The following CPNE3 variants were observed in gnomAD, a reference collection of about 807,000 sequenced individuals.
The protein encoded by CPNE3 is copine 3, also known as copine-3.
In CPNE3, 68 loss-of-function variants were observed where a neutral mutation model predicts 63.9. That is an observed-to-expected ratio of 1.06 (90% CI 0.87 to 1.30). The LOEUF (loss-of-function observed/expected upper bound fraction) is 1.30. Ranked by LOEUF, CPNE3 falls within the 50% of genes most tolerant of loss-of-function variation. CPNE3 has a pLI of 0.00. For synonymous variants in CPNE3, 219 were observed against 197.5 expected (o/e 1.11, Z -0.91); for missense variants, 665 against 578.1 (o/e 1.15, Z -1.54).
chr8:86,556,032 C>T, intron 15 of CPNE3, 70 bp from the exon 16 acceptor site: 1 of 800,168 alleles, frequency 1.2e-6, no homozygotes, highest in Admixed American at 1.7e-5. Flanking sequence ...GACTGGATGA[C>T]TCATCAAGCC....
intron 2 of CPNE3, among the ~76,000 whole-genome samples, chr8:86,516,984 C>T (rs1428919561): frequency 1.3e-5 from 2 of 152,184 alleles, no homozygotes; most frequent in African/African-American, 4.8e-5. Flanking sequence ...GACTCAATGT[C>T]ACTTCCATTG....
At chr8:86,547,593 T>TGG in intron 10 of CPNE3, 118 bp from the exon 11 acceptor site, 1 of 644,946 alleles carries the variant, frequency 1.6e-6, no homozygotes, top group Non-Finnish European at 2.7e-6. Flanking sequence ...AGGGGTAATT[T>TGG]CCATGTTTAT....
At position 86,546,588 on chromosome 8, in the gene CPNE3, C is replaced by T. The variant is rs1350580535; in HGVS notation, c.733-7C>T. 6.2e-7 allele frequency: 1 copy of T among 1,609,362 alleles called. No individual in the cohort carries two copies. Among genetic ancestry groups the T allele is most frequent in the African/African-American group, 1.3e-5 (1 of 74,398 alleles). On this transcript the variant is annotated splice_region_variant and splice_polypyrimidine_tract_variant and intron_variant, in intron 9 of 16. Coordinates refer to ENST00000517490, the MANE Select transcript of CPNE3 (RefSeq NM_003909.5). ...AAAAGTAACATTTTTGTCTTCTCTT[C>T]CTACAGGTTGAATTTGAATGCATAA...
intron 2 of CPNE3, among the ~76,000 whole-genome samples, chr8:86,517,188 A>G (rs1820334446): frequency 6.6e-6 from 1 of 152,230 alleles, no homozygotes; most frequent in Non-Finnish European, 1.5e-5. Context: ...AGCAGTATGC[A>G]ATCATAACTT....
intron 14 of CPNE3, 125 bp downstream of exon 14, chr8:86,551,359 T>C (rs1821174608): frequency 4.3e-6 from 3 of 700,110 alleles, no homozygotes; most frequent in Non-Finnish European, 7.2e-6. Context: ...CTAGGTTTCA[T>C]TTTCTTACAT....
At chr8:86,552,958 GCCCGCCCCCCCCCCCCCCCCGCCCACAA>G (rs1377668380) in intron 14 of CPNE3, among the ~76,000 whole-genome samples, 1 of 3,232 alleles carries the variant, frequency 3.1e-4, no homozygotes, top group Non-Finnish European at 2.1e-3. Flanking sequence ...TCCTGCCACA[GCCCGCCCCCCCCCCCCCCCCGCCCACAA>G]CCGAGTAGCT....
Position 86,528,976 on chromosome 8 carries a change from T to C in CPNE3, c.164T>C (p.Leu55Ser), listed in dbSNP as rs149163982. 62 of 1,613,692 alleles carry C rather than the reference T, an allele frequency of 3.8e-5. No individual in the cohort carries two copies. In the East Asian group the frequency reaches 1.2e-3, roughly 31 times the overall value. Residue 55 changes from leucine to serine, a missense_variant, in exon 4 of 17, where the codon TTG (leucine) becomes TCG (serine). By Grantham distance (145) the Leu-to-Ser change is moderately radical (BLOSUM62 -2). Coordinates refer to ENST00000517490, the MANE Select transcript of CPNE3 (RefSeq NM_003909.5). The stretch of plus-strand genomic sequence containing the variant: ...CGCACAGAAAGGATTAAGAATTGCT[T>C]GAATCCCCAATTTTCCAAGACATTT... ...VERTERIKNC[L>S]NPQFSKTFII... is the part of the protein sequence containing the mutation.
intron 5 of CPNE3, 103 bp from the exon 6 acceptor site, chr8:86,532,406 T>C: frequency 1.5e-6 from 1 of 677,800 alleles, no homozygotes; most frequent in Non-Finnish European, 2.4e-6. Flanking sequence ...AATTCATTTA[T>C]ATTAGTGTAG....
At chr8:86,548,260 C>T (rs1202774447) in intron 11 of CPNE3, 41 bp from the exon 12 acceptor site, 1 of 1,607,860 alleles carries the variant, frequency 6.2e-7, no homozygotes, top group African/African-American at 1.3e-5. Context: ...ACAGGTGTCC[C>T]TGCCTTCTCC....
In CPNE3 at chr8:86,537,587, T is replaced by C; in HGVS notation, c.484T>C (p.Tyr162His). Residue 162 changes from tyrosine (Y) to histidine (H), a missense_variant, in exon 7 of 17, where the codon TAC becomes CAC. Transcript: ENST00000517490. ...NKDLFGKSDP[Y>H]LEFHKQTSDG... ...GGATCTATTTGGAAAGTCAGACCCA[T>C]ACCTGGAATTCCACAAGCAGACATC... 6.2e-7 allele frequency: 1 copy of C among 1,607,728 alleles called. No homozygotes were observed. The highest frequency in any genetic ancestry group is 8.5e-7 in the Non-Finnish European group (1 of 1,174,282).
At chr8:86,546,006 G>T (rs1373167218) in intron 9 of CPNE3, among the ~76,000 whole-genome samples, 1 of 152,086 alleles carries the variant, frequency 6.6e-6, no homozygotes, top group Non-Finnish European at 1.5e-5. Context: ...ATGGATAGGG[G>T]GATAGGAAGG....
At chr8:86,523,039 T>A (rs748557886) in intron 2 of CPNE3, among the ~76,000 whole-genome samples, 144 of 152,224 alleles carry the variant, frequency 9.5e-4, no homozygotes, top group Non-Finnish European at 1.6e-3. Flanking sequence ...AAAGCTGCTT[T>A]ATGTCTTACT....
chr8:86,528,410 T>C (rs988585021), intron 2 of CPNE3, 126 bp from the exon 3 acceptor site: 1 of 956,438 alleles, frequency 1.0e-6, no homozygotes, highest in Non-Finnish European at 1.6e-6. Context: ...AGTCTGATTC[T>C]GGCAAGTTCA....
chr8:86,535,318 G>T (rs1586837111), intron 6 of CPNE3, among the ~76,000 whole-genome samples: 1 of 137,578 alleles, frequency 7.3e-6, no homozygotes, highest in African/African-American at 2.5e-5. Flanking sequence ...ATACAGAAAA[G>T]ACTTTTTTTT....
At position 86,556,239 on chromosome 8, in the gene CPNE3, G is replaced by C. The variant is rs768327721; in HGVS notation, c.1392G>C (p.Met464Ile). The change falls in exon 16 of 17, where the codon ATG becomes ATC. Residue 464 changes from methionine (M) to isoleucine (I), a missense_variant. Met to Ile is a conservative substitution (Grantham distance 10). Coordinates refer to ENST00000517490, the MANE Select transcript of CPNE3 (RefSeq NM_003909.5). Reference sequence around the variant, plus strand: ...TTGGAGGTGCTGACTTCAGCGCCATGGAGTTTCTGGATGGTGATGGTGGAA... The same window carrying C: ...TTGGAGGTGCTGACTTCAGCGCCATCGAGTTTCTGGATGGTGATGGTGGAA... Reference protein sequence around the residue: ...VGVGGADFSAMEFLDGDGGSL... With the variant: ...VGVGGADFSAIEFLDGDGGSL... The C allele has an allele frequency of 1.1e-6, 1 of 873,030 alleles. No individual in the cohort carries two copies. Among genetic ancestry groups the C allele is most frequent in the Admixed American group, 1.7e-5 (1 of 59,194 alleles). 54.1% of individuals were successfully genotyped at this position (873,030 alleles called of 1,614,324 possible). A position where few individuals can be genotyped will look rare whatever the true frequency, so the allele number is the denominator to read the frequency against.
intron 2 of CPNE3, among the ~76,000 whole-genome samples, chr8:86,522,548 CTTTTTT>C (rs36073581): frequency 3.6e-5 from 3 of 82,234 alleles, no homozygotes; most frequent in Non-Finnish European, 4.3e-5. Context: ...ACGCCCGCTG[CTTTTTT>C]TTTTTTTTTT....
intron 14 of CPNE3, among the ~76,000 whole-genome samples, chr8:86,552,340 G>A (rs895113151): frequency 2.6e-5 from 4 of 152,136 alleles, no homozygotes; most frequent in African/African-American, 9.7e-5. Context: ...GTTCTTTGAG[G>A]CACTTTCAGT....
chr8:86,551,260 C>T (rs757936549), intron 14 of CPNE3, 26 bp downstream of exon 14: 2 of 1,478,926 alleles, frequency 1.4e-6, no homozygotes, highest in South Asian at 1.1e-5. Context: ...AACATGAAGA[C>T]TTCAAATGGA....
intron 15 of CPNE3, 105 bp from the exon 16 acceptor site, chr8:86,555,997 A>C (rs1821316215): frequency 2.8e-6 from 2 of 726,462 alleles, no homozygotes. Context: ...TAGGGTAGAG[A>C]CTGGCAAGGA....
Sources: allele counts gnomAD v4.1 joint callset (sites outside exome capture counted in the v4.1 genomes callset), GRCh38; gene constraint gnomAD v4.1.1; transcripts MANE v1.5; gene names NCBI Gene and HGNC (gene_info 2026-07-23, HGNC 2026-07-21).